Variants in RCC1L observed in about 807,000 individuals in gnomAD.
RCC1L encodes the protein RCC1-like G exchanging factor-like protein.
RCC1L carries 46 observed loss-of-function variants against 58.6 expected under a neutral mutation model. That is an observed-to-expected ratio of 0.79 (90% CI 0.62 to 1.00). The LOEUF is 1.00. Ranked by LOEUF, RCC1L falls within the 50% of genes least tolerant of loss-of-function variation. The probability of loss-of-function intolerance (pLI) is 0.00; values close to 1 mark genes in which losing one functional copy is unlikely to be tolerated. For synonymous variants in RCC1L, 281 were observed against 262.9 expected, an observed-to-expected ratio of 1.07 and a Z score of -0.67; for missense variants, 636 against 623.6, an observed-to-expected ratio of 1.02 and a Z score of -0.21.
At chr7:75,041,863 C>CAAAAAA (rs1201913828), downstream of RCC1L, among the ~76,000 whole-genome samples, 3 of 64,410 alleles carry the variant, frequency 4.7e-5, no homozygotes, top group Admixed American at 1.9e-4. Flanking sequence ...GACTCTGTCT[C>CAAAAAA]AAAAAAAAAA....
chr7:75,061,738 A>G (rs979714796), intron 5 of RCC1L, among the ~76,000 whole-genome samples: 11 of 152,142 alleles, frequency 7.2e-5, no homozygotes, highest in South Asian at 4.1e-4. Flanking sequence ...GCCATTCTCA[A>G]TGCTTAACTG....
At chr7:75,061,463 C>G (rs1806278507) in intron 5 of RCC1L, among the ~76,000 whole-genome samples, 172 bp from the exon 6 acceptor site, 1 of 152,186 alleles carries the variant, frequency 6.6e-6, no homozygotes, top group South Asian at 2.1e-4. Context: ...TCTCCCACTG[C>G]ATTGAAACTG....
rs927918823 is a variant in RCC1L at position 75,066,167 on chromosome 7, G to A, written c.583+497C>T. Among the ~76,000 whole-genome samples, 28 of 151,986 alleles carry A rather than the reference G, an allele frequency of 1.8e-4. 1 individual carries two copies. The highest frequency in any genetic ancestry group is 5.3e-4 in the Admixed American group (8 of 15,208). On this transcript the variant is annotated intron_variant, in intron 3 of 10. Coordinates refer to ENST00000610322, the MANE Select transcript of RCC1L (RefSeq NM_030798.5). ...GAGCAGAGCACATAAGAATCAACAA[G>A]GTGGCCAGGTGCAGTGGCTCACGCC...
chr7:75,073,338 G>T, intron 1 of RCC1L, 76 bp downstream of exon 1: 1 of 654,636 alleles, frequency 1.5e-6, no homozygotes, highest in South Asian at 3.7e-5. Flanking sequence ...ACTTCTTGAA[G>T]AGAGCCGAAC....
chr7:75,050,754 C>A (rs1554443250), intron 10 of RCC1L, among the ~76,000 whole-genome samples: 1 of 152,134 alleles, frequency 6.6e-6, no homozygotes, highest in Non-Finnish European at 1.5e-5. Flanking sequence ...CCGGCAAGCC[C>A]CACCACCTTG....
intron 10 of RCC1L, among the ~76,000 whole-genome samples, chr7:75,033,105 C>A (rs1360333461): frequency 6.7e-6 from 1 of 148,684 alleles, no homozygotes; most frequent in African/African-American, 2.5e-5. Flanking sequence ...GATAATTCCA[C>A]TGGAGCCGGA....
chr7:75,043,143 G>T (rs1805616192), intron 10 of RCC1L, 34 bp from the exon 11 acceptor site: 8 of 1,611,066 alleles, frequency 5.0e-6, no homozygotes, highest in Non-Finnish European at 5.9e-6. Context: ...CATGGGTGGG[G>T]GTGGCGCACC....
intron 10 of RCC1L, among the ~76,000 whole-genome samples, chr7:75,031,936 G>A (rs1315132342): frequency 6.6e-6 from 1 of 152,210 alleles, no homozygotes; most frequent in East Asian, 1.9e-4. Flanking sequence ...CAACCCACGG[G>A]GCTGCTTGAG....
intron 10 of RCC1L, among the ~76,000 whole-genome samples, chr7:75,050,146 G>C (rs1805860359): frequency 6.6e-6 from 1 of 152,080 alleles, no homozygotes; most frequent in Non-Finnish European, 1.5e-5. Flanking sequence ...GCCAGGCGTC[G>C]TGGCATGCAC....
chr7:75,072,579 G>A (rs587759236), intron 1 of RCC1L, among the ~76,000 whole-genome samples: 1 of 152,126 alleles, frequency 6.6e-6, no homozygotes, highest in African/African-American at 2.4e-5. Context: ...GGTCTTTGTT[G>A]GGTGTTTTAA....
Position 75,064,582 on chromosome 7 carries a change from C to T in RCC1L, c.650G>A (p.Ser217Asn), listed in dbSNP as rs1806393921. 6.2e-7 allele frequency: 1 copy of T among 1,613,724 alleles called. No individual in the cohort carries two copies. Among genetic ancestry groups the T allele is most frequent in the Admixed American group, 1.7e-5 (1 of 59,962 alleles). The change falls in exon 4 of 11, where the codon AGT (serine) becomes AAT (asparagine). Residue 217 changes from serine (S) to asparagine (N), a missense_variant and splice_region_variant. Transcript: ENST00000610322. ...AAGGGTAGGCCTTTTAGGAACTCACCTGTAAATTTCATTTTCGACCACCTT... is the reference window on the plus strand; with the variant it reads ...AAGGGTAGGCCTTTTAGGAACTCACTTGTAAATTTCATTTTCGACCACCTT... ...GRKVVENEIY[S>N]ESHRVHRMQD... is the part of the protein sequence containing the mutation.
At chr7:75,048,689 C>A (rs1162365653) in intron 10 of RCC1L, among the ~76,000 whole-genome samples, 2 of 152,238 alleles carry the variant, frequency 1.3e-5, no homozygotes, top group Non-Finnish European at 2.9e-5. Context: ...GAAGGCCACT[C>A]CACACCCCCT....
rs146221397 is a variant in RCC1L, at chr7:75,044,322, C to T, written c.1318-1213G>A. Among the ~76,000 whole-genome samples, 474 of 152,226 alleles carry T rather than the reference C, an allele frequency of 3.1e-3. 5 individuals carry two copies. The highest frequency in any genetic ancestry group is 0.01 in the African/African-American group (436 of 41,542). On this transcript the variant is annotated intron_variant, in intron 10 of 10. Coordinates refer to ENST00000610322, the MANE Select transcript of RCC1L (RefSeq NM_030798.5). ...AAAAGCTATTAAATGATTTTTATGC[C>T]GGGCGCAGTGGCTCACACCTGTAAT... is the stretch of plus-strand genomic sequence containing the variant.
At chr7:75,027,888 C>T (rs1177647635) in exon 11 of RCC1L, 5 of 936,972 alleles carry the variant, frequency 5.3e-6, no homozygotes, top group Non-Finnish European at 8.3e-6. Context: ...CTGCCCTTGT[C>T]CCCCAGCTAT....
intron 10 of RCC1L, among the ~76,000 whole-genome samples, chr7:75,028,423 A>G (rs976680944): frequency 4.9e-4 from 74 of 152,080 alleles, no homozygotes; most frequent in Non-Finnish European, 8.5e-4. Flanking sequence ...GCCCGGCCTC[A>G]TGGAATTTCT....
downstream of RCC1L, among the ~76,000 whole-genome samples, chr7:75,037,658 T>C (rs1805458322): frequency 6.6e-6 from 1 of 151,454 alleles, no homozygotes; most frequent in Non-Finnish European, 1.5e-5. Flanking sequence ...GCACGTGCCA[T>C]CACACCCAGC....
At chr7:75,029,188 T>G (rs1286467323) in intron 10 of RCC1L, among the ~76,000 whole-genome samples, 2 of 152,138 alleles carry the variant, frequency 1.3e-5, no homozygotes, top group African/African-American at 4.8e-5. Flanking sequence ...CACCTCCCAC[T>G]GGCCCCCTCC....
At position 75,064,847 on chromosome 7, in the gene RCC1L, C is replaced by A. The variant is rs1584502234; in HGVS notation, c.584-199G>T. 4 of 633,476 alleles carry A rather than the reference C, an allele frequency of 6.3e-6. No individual in the cohort carries two copies. In the East Asian group the frequency reaches 1.2e-4, roughly 18 times the overall value. 39.2% of individuals were successfully genotyped at this position (633,476 alleles called of 1,614,324 possible). On this transcript the variant is annotated intron_variant, in intron 3 of 10. Transcript: ENST00000610322. ...ATGGGGGAATCTAGACCCGCCTTCC[C>A]CTCCTGGCCCTAGATCCACTTCTTG...
At chr7:75,045,217 G>C (rs1299419831) in intron 10 of RCC1L, among the ~76,000 whole-genome samples, 3 of 151,924 alleles carry the variant, frequency 2.0e-5, no homozygotes, top group Admixed American at 2.0e-4. Flanking sequence ...TCACTATGTT[G>C]CCGAGGCTGG....
Sources: allele counts gnomAD v4.1 joint callset (sites outside exome capture counted in the v4.1 genomes callset), GRCh38; gene constraint gnomAD v4.1.1; transcripts MANE v1.5; gene names NCBI Gene and HGNC (gene_info 2026-07-23, HGNC 2026-07-21).